Variants in ADCY2 observed in about 807,000 individuals in gnomAD.
The protein encoded by ADCY2 is adenylate cyclase type 2.
In ADCY2, 31 loss-of-function variants were observed where a neutral mutation model predicts 125.2. That is an observed-to-expected ratio of 0.25 (90% confidence interval 0.19 to 0.33). ADCY2 has a LOEUF of 0.33. Ranked by LOEUF, ADCY2 falls within the 10% of genes least tolerant of loss-of-function variation. ADCY2 has a pLI of 1.00. For synonymous variants in ADCY2, 512 were observed against 548.4 expected, an observed-to-expected ratio of 0.93 and a Z score of 0.93; for missense variants, 904 against 1,418.2, an observed-to-expected ratio of 0.64 and a Z score of 5.82.
intron 2 of ADCY2, among the ~76,000 whole-genome samples, chr5:7,516,291 TG>T (rs1744251015): frequency 6.6e-6 from 1 of 152,126 alleles, no homozygotes; most frequent in Non-Finnish European, 1.5e-5. Context: ...AAATGCAAAT[TG>T]CAGAGTATTA....
intron 2 of ADCY2, among the ~76,000 whole-genome samples, chr5:7,469,195 A>T (rs1396057698): frequency 6.6e-6 from 1 of 151,962 alleles, no homozygotes; most frequent in Admixed American, 6.6e-5. Context: ...AAATAAAATG[A>T]CCAATTATCT....
chr5:7,492,763 T>G (rs1043617289), intron 2 of ADCY2, among the ~76,000 whole-genome samples: 2 of 150,636 alleles, frequency 1.3e-5, no homozygotes, highest in African/African-American at 4.9e-5. Flanking sequence ...CAGAGTCCAG[T>G]TTGGGGAGGT....
chr5:7,702,658 T>C (rs1741127199), intron 7 of ADCY2, among the ~76,000 whole-genome samples: 1 of 152,224 alleles, frequency 6.6e-6, no homozygotes, highest in Admixed American at 6.5e-5. Flanking sequence ...TCCAAGTCTT[T>C]GCTATTGTGA....
intron 1 of ADCY2, among the ~76,000 whole-genome samples, chr5:7,411,564 G>A (rs1739718585): frequency 6.6e-6 from 1 of 152,074 alleles, no homozygotes; most frequent in South Asian, 2.1e-4. Flanking sequence ...AGGACTCTAA[G>A]AGGGCTGTAG....
chr5:7,567,919 C>T (rs562553226), intron 3 of ADCY2, among the ~76,000 whole-genome samples: 7 of 124,222 alleles, frequency 5.6e-5, no homozygotes, highest in Admixed American at 3.7e-4. Context: ...AGTGCTCTGT[C>T]GTCCTCTCTT....
chr5:7,791,657 C>G (rs1302613300), intron 20 of ADCY2, among the ~76,000 whole-genome samples: 3 of 152,090 alleles, frequency 2.0e-5, no homozygotes, highest in African/African-American at 7.2e-5. Context: ...ATTACAATGT[C>G]TATTAAAGGG....
Position 7,707,770 on chromosome 5 carries a change from G to T in ADCY2, c.1333G>T (p.Asp445Tyr). The change falls in exon 9 of 25, where the codon GAT becomes TAT. Residue 445 changes from aspartate to tyrosine, a missense_variant. By Grantham distance (160) the Asp-to-Tyr change is radical. Coordinates refer to ENST00000338316, the MANE Select transcript of ADCY2 (RefSeq NM_020546.3). ...LNGAYKVEEG[D>Y]GDIRDPYLKQ... is the part of the protein sequence containing the mutation. ...TGGCGCTTATAAAGTGGAGGAGGGA[G>T]ATGGTGACATTAGGGACCCATATTT... 6.2e-7 allele frequency: 1 copy of T among 1,614,150 alleles called. No homozygotes were observed. The highest frequency in any genetic ancestry group is 2.2e-5 in the East Asian group (1 of 44,878).
intron 19 of ADCY2, among the ~76,000 whole-genome samples, chr5:7,787,552 G>T (rs1340683589): frequency 6.6e-6 from 1 of 152,082 alleles, no homozygotes; most frequent in African/African-American, 2.4e-5. Context: ...TTTTTTGAGG[G>T]GGCCTTTCAT....
intron 3 of ADCY2, among the ~76,000 whole-genome samples, chr5:7,554,618 T>G (rs780899820): frequency 6.6e-6 from 1 of 152,198 alleles, no homozygotes; most frequent in Non-Finnish European, 1.5e-5. Context: ...GTCTGTTCAG[T>G]GGCCAGATCA....
At chr5:7,596,283 C>CG (rs1737000738) in intron 3 of ADCY2, among the ~76,000 whole-genome samples, 1 of 151,856 alleles carries the variant, frequency 6.6e-6, no homozygotes, top group African/African-American at 2.4e-5. Flanking sequence ...ACTCCCCCCC[C>CG]CCACCAGTTA....
At chr5:7,526,723 C>G (rs1734479619) in intron 3 of ADCY2, among the ~76,000 whole-genome samples, 1 of 152,162 alleles carries the variant, frequency 6.6e-6, no homozygotes, top group South Asian at 2.1e-4. Flanking sequence ...TGATTTATTT[C>G]ATACTGTTCT....
At position 7,792,177 on chromosome 5, in the gene ADCY2, G is replaced by A. The variant is rs183469888; in HGVS notation, c.2628+2377G>A. Reference sequence around the variant, plus strand: ...ACCTGAGGTCAGGAGTTCAAGACCAGCCTGGCCAACATGGAGAAACCCCGT... The same window carrying A: ...ACCTGAGGTCAGGAGTTCAAGACCAACCTGGCCAACATGGAGAAACCCCGT... On this transcript the variant is annotated intron_variant, in intron 20 of 24. Coordinates refer to ENST00000338316, the MANE Select transcript of ADCY2 (RefSeq NM_020546.3). Among the ~76,000 whole-genome samples, 27 of 139,916 alleles carry A rather than the reference G, an allele frequency of 1.9e-4. No individual in the cohort carries two copies. In the East Asian group the frequency reaches 5.0e-3, roughly 26 times the overall value. 91.8% of individuals were successfully genotyped at this position (139,916 alleles called of 152,430 possible).
intron 12 of ADCY2, among the ~76,000 whole-genome samples, chr5:7,724,299 G>C (rs1213060914): frequency 2.0e-5 from 3 of 151,642 alleles, no homozygotes; most frequent in Non-Finnish European, 2.9e-5. Flanking sequence ...ATGACAGTTA[G>C]TTTATAATAT....
At chr5:7,532,803 G>GT (rs1246900602) in intron 3 of ADCY2, among the ~76,000 whole-genome samples, 1 of 151,880 alleles carries the variant, frequency 6.6e-6, no homozygotes, top group East Asian at 1.9e-4. Flanking sequence ...GTCATGTTGT[G>GT]TTTTTCTTTA....
intron 3 of ADCY2, among the ~76,000 whole-genome samples, chr5:7,522,810 C>T (rs1744501957): frequency 1.3e-5 from 2 of 148,494 alleles, no homozygotes; most frequent in Non-Finnish European, 3.0e-5. Flanking sequence ...CCTGTAGTCC[C>T]AGCTACTCGG....
At chr5:7,530,760 T>G (rs1470337931) in intron 3 of ADCY2, among the ~76,000 whole-genome samples, 1 of 152,094 alleles carries the variant, frequency 6.6e-6, no homozygotes, top group African/African-American at 2.4e-5. Flanking sequence ...TGTACCTTCC[T>G]AGCCTTGTCT....
In ADCY2 at chr5:7,690,721, C is replaced by T; in HGVS notation, c.751C>T (p.His251Tyr). Residue 251 changes from histidine (H) to tyrosine (Y), a missense_variant, in exon 5 of 25, where the codon CAC (histidine) becomes TAC (tyrosine). Physicochemically the swap from His to Tyr is moderately conservative, Grantham distance 83. This residue lies in a region of ADCY2 where 117 missense variants were observed against 248.0 expected (regional missense o/e 0.47). Coordinates refer to ENST00000338316, the MANE Select transcript of ADCY2 (RefSeq NM_020546.3). The stretch of plus-strand genomic sequence containing the variant: ...GCTTCTGCTCTCCCTGCTGCCGGCC[C>T]ACATCGCCATGGAGATGAAAGCGGA... ...ERLLLSLLPAHIAMEMKAEII... is the reference protein window; with the variant it reads ...ERLLLSLLPAYIAMEMKAEII... The T allele has an allele frequency of 6.2e-7, 1 of 1,602,922 alleles. No homozygotes were observed. Among genetic ancestry groups the T allele is most frequent in the African/African-American group, 1.3e-5 (1 of 74,382 alleles).
chr5:7,428,570 G>T (rs1288213011), intron 2 of ADCY2, among the ~76,000 whole-genome samples: 4 of 152,024 alleles, frequency 2.6e-5, no homozygotes, highest in African/African-American at 9.7e-5. Flanking sequence ...CAATAAGCTG[G>T]GTTTCATAAT....
chr5:7,666,795 C>T (rs948540346), intron 4 of ADCY2, among the ~76,000 whole-genome samples: 16 of 152,236 alleles, frequency 1.1e-4, no homozygotes, highest in African/African-American at 3.9e-4. Flanking sequence ...CTGCTCCATC[C>T]TCTCCCACTG....
Sources: allele counts gnomAD v4.1 joint callset (sites outside exome capture counted in the v4.1 genomes callset), GRCh38; gene constraint gnomAD v4.1.1; regional missense constraint gnomAD v4.1.1; transcripts MANE v1.5; gene names NCBI Gene and HGNC (gene_info 2026-07-23, HGNC 2026-07-21).